Variants in BAZ1A observed in about 807,000 individuals in gnomAD.
BAZ1A encodes bromodomain adjacent to zinc finger domain 1A, also known as bromodomain adjacent to zinc finger domain protein 1A.
A neutral mutation model predicts 185.2 loss-of-function variants in BAZ1A; 50 were observed. The ratio of observed to expected loss-of-function variants is 0.27; its 90% CI spans 0.22 to 0.34. The LOEUF is 0.34. BAZ1A is among the 10% of genes least tolerant of loss of function. The pLI is 1.00. For synonymous variants in BAZ1A, 571 were observed against 615.6 expected, an observed-to-expected ratio of 0.93 and a Z score of 1.07; for missense variants, 1,356 against 1,839.9, an observed-to-expected ratio of 0.74 and a Z score of 4.81.
intron 4 of BAZ1A, among the ~76,000 whole-genome samples, chr14:34,814,640 T>G (rs923415442): frequency 6.6e-6 from 1 of 151,846 alleles, no homozygotes; most frequent in Non-Finnish European, 1.5e-5. Context: ...CGGCTAATTT[T>G]TTGTATTTTT....
chr14:34,834,987 T>C (rs1217468058), intron 3 of BAZ1A, among the ~76,000 whole-genome samples: 1 of 150,356 alleles, frequency 6.7e-6, no homozygotes, highest in African/African-American at 2.5e-5. Flanking sequence ...AATTTACATA[T>C]ATGTCTCTCC....
intron 5 of BAZ1A, among the ~76,000 whole-genome samples, chr14:34,810,700 T>A (rs941818823): frequency 6.6e-6 from 1 of 152,064 alleles, no homozygotes; most frequent in African/African-American, 2.4e-5. Flanking sequence ...CCTCAAGTGA[T>A]CCTCCTGGCT....
chr14:34,782,282 T>C (rs1050154175), intron 16 of BAZ1A, among the ~76,000 whole-genome samples: 3 of 152,230 alleles, frequency 2.0e-5, no homozygotes, highest in Non-Finnish European at 2.9e-5. Context: ...TGAAGTGGTA[T>C]CTTACTGTGG....
chr14:34,868,663 C>G (rs2042899915), intron 2 of BAZ1A, among the ~76,000 whole-genome samples: 1 of 151,734 alleles, frequency 6.6e-6, no homozygotes, highest in South Asian at 2.1e-4. Context: ...TAGCTGGGCA[C>G]GGTGTCAGGA....
At chr14:34,779,758 G>A (rs1048400425) in intron 17 of BAZ1A, among the ~76,000 whole-genome samples, 8 of 152,132 alleles carry the variant, frequency 5.3e-5, no homozygotes, top group African/African-American at 2.4e-5. Context: ...TACAAATTAT[G>A]AGCATTATTG....
chr14:34,815,795 G>A (rs772996628), intron 4 of BAZ1A, among the ~76,000 whole-genome samples: 1 of 152,060 alleles, frequency 6.6e-6, no homozygotes, highest in Non-Finnish European at 1.5e-5. Context: ...TCTTTTAAGA[G>A]AAATCATCAA....
At chr14:34,864,367 C>T (rs2042820268) in intron 2 of BAZ1A, among the ~76,000 whole-genome samples, 1 of 152,080 alleles carries the variant, frequency 6.6e-6, no homozygotes, top group African/African-American at 2.4e-5. Flanking sequence ...TGGTCTTGAA[C>T]TCCTGGCCTC....
chr14:34,777,163 C>G (rs183797680), intron 17 of BAZ1A, among the ~76,000 whole-genome samples: 98 of 152,304 alleles, frequency 6.4e-4, no homozygotes, highest in African/African-American at 2.3e-3. Flanking sequence ...AAATATTTGT[C>G]TTTGTGGATC....
Position 34,769,116 on chromosome 14 carries a change from G to C in BAZ1A, c.3301+2395C>G, listed in dbSNP as rs142740091. Among the ~76,000 whole-genome samples, 339 of 152,130 alleles carry C rather than the reference G, an allele frequency of 2.2e-3. 1 individual carries two copies. The highest frequency in any genetic ancestry group is 7.5e-3 in the African/African-American group (313 of 41,528). ...AATTTGCTATCCTGAAATATTATCA[G>C]GTGAATGGAGAATTTCGATATATAT... On this transcript the variant is annotated intron_variant, in intron 21 of 26. Coordinates refer to ENST00000360310, the MANE Select transcript of BAZ1A (RefSeq NM_013448.3).
intron 14 of BAZ1A, 97 bp downstream of exon 14, chr14:34,785,680 C>G (rs1344921102): frequency 4.2e-6 from 4 of 958,302 alleles, no homozygotes; most frequent in Non-Finnish European, 6.3e-6. Flanking sequence ...TCTTTTAATA[C>G]TGATTTATTG....
chr14:34,807,558 C>T lies in BAZ1A; in HGVS notation c.639-20G>A. On this transcript the variant is annotated intron_variant, in intron 5 of 26. Coordinates refer to ENST00000360310, the MANE Select transcript of BAZ1A (RefSeq NM_013448.3). ...CTCCGGCTACAGGAGGCAAGGAAGT[C>T]AAAGAGGGGTAGTGTTAGCATCAAA... The T allele has an allele frequency of 1.9e-6, 3 of 1,577,854 alleles. No homozygotes were observed. The highest frequency in any genetic ancestry group is 1.1e-5 in the South Asian group (1 of 89,496).
At position 34,862,210 on chromosome 14, in the gene BAZ1A, G is replaced by A; in HGVS notation, c.226C>T (p.Gln76Ter). ...EALESEKKARQNLQSFPEPLI... is the reference protein window; with the variant it reads ...EALESEKKAR ...GGTTCTGGAAAACTCTGAAGATTCTGTCTTGCTTTTTTTTCTGACTCAAGT... is the reference window on the plus strand; with the variant it reads ...GGTTCTGGAAAACTCTGAAGATTCTATCTTGCTTTTTTTTCTGACTCAAGT... Residue 76 changes from glutamine (Q) to a stop codon, truncating the protein, a stop_gained, in exon 3 of 27, where the codon CAG becomes TAG. Transcript: ENST00000360310. LOFTEE classifies it high-confidence loss of function. 1 of 1,614,086 alleles carries A rather than the reference G, an allele frequency of 6.2e-7. No individual in the cohort carries two copies. Among genetic ancestry groups the A allele is most frequent in the Non-Finnish European group, 8.5e-7 (1 of 1,180,008 alleles).
intron 2 of BAZ1A, among the ~76,000 whole-genome samples, chr14:34,868,107 C>A (rs2042890527): frequency 1.3e-5 from 2 of 152,216 alleles, no homozygotes; most frequent in Non-Finnish European, 2.9e-5. Flanking sequence ...AGGTGGGCAT[C>A]CTACTGGCAC....
chr14:34,807,431 T>C lies in BAZ1A; in HGVS notation c.726+20A>G. ...ATTTTGTTTTCTGTCTTCCAACAAA[T>C]AATTTCATTATTTGATTACCTTTAT... On this transcript the variant is annotated intron_variant, in intron 6 of 26. Transcript: ENST00000360310. 1.3e-6 allele frequency: 2 copies of C among 1,559,804 alleles called. No individual in the cohort carries two copies. Among genetic ancestry groups the C allele is most frequent in the Admixed American group, 1.7e-5 (1 of 57,906 alleles).
intron 24 of BAZ1A, among the ~76,000 whole-genome samples, chr14:34,759,118 A>G (rs926298177): frequency 3.3e-5 from 5 of 151,326 alleles, no homozygotes; most frequent in Admixed American, 1.3e-4. Context: ...CTAGAACACA[A>G]AAGTTTTTGG....
intron 3 of BAZ1A, among the ~76,000 whole-genome samples, chr14:34,838,624 A>G (rs373025657): frequency 4.0e-5 from 6 of 151,564 alleles, no homozygotes; most frequent in East Asian, 1.9e-4. Context: ...TCCCAGGTTT[A>G]AGCGATTCTC....
rs1180631225 is a variant in BAZ1A, at chr14:34,774,414, A to G, written c.2910T>C (p.Cys970=). The change falls in exon 19 of 27, where the codon TGT becomes TGC. Residue 970 remains cysteine (C), a synonymous_variant. Coordinates refer to ENST00000360310, the MANE Select transcript of BAZ1A (RefSeq NM_013448.3). The part of the protein sequence containing the change: ...SSNAYDPSQM[C]AEKQLELRLR... ...GCCTTAGTTCAAGTTGCTTTTCTGC[A>G]CACATCTGAGATGGATCATATGCAT... The G allele has an allele frequency of 6.2e-7, 1 of 1,613,694 alleles. No homozygotes were observed. Among genetic ancestry groups the G allele is most frequent in the Non-Finnish European group, 8.5e-7 (1 of 1,179,856 alleles).
At chr14:34,846,011 G>T (rs1456488045) in intron 3 of BAZ1A, among the ~76,000 whole-genome samples, 2 of 152,138 alleles carry the variant, frequency 1.3e-5, no homozygotes, top group African/African-American at 4.8e-5. Flanking sequence ...TAACCATGTA[G>T]ATATGAAATC....
intron 2 of BAZ1A, among the ~76,000 whole-genome samples, chr14:34,867,563 T>C (rs1044039256): frequency 2.6e-5 from 4 of 152,378 alleles, no homozygotes; most frequent in South Asian, 4.1e-4. Flanking sequence ...CAGTGATGTA[T>C]AGCTGCCCTT....
Sources: allele counts gnomAD v4.1 joint callset (sites outside exome capture counted in the v4.1 genomes callset), GRCh38; gene constraint gnomAD v4.1.1; transcripts MANE v1.5; gene names NCBI Gene and HGNC (gene_info 2026-07-23, HGNC 2026-07-21).